TXLNB: variants seen among roughly 807,000 people sequenced by gnomAD.
TXLNB encodes taxilin beta.
Under a neutral mutation model 57.4 loss-of-function variants are expected in TXLNB, and 37 were observed. The observed-to-expected ratio is 0.64, with a 90% CI of 0.50 to 0.85. The LOEUF is 0.85. TXLNB is among the 40% of genes least tolerant of loss of function. The probability of loss-of-function intolerance (pLI) is 0.00; values close to 1 mark genes in which losing one functional copy is unlikely to be tolerated. For synonymous variants in TXLNB, 302 were observed against 309.6 expected (o/e 0.98, Z 0.26); for missense variants, 848 against 825.6 (o/e 1.03, Z -0.33).
the TXLNB span, among the ~76,000 whole-genome samples, chr6:139,205,219 C>G: frequency 6.6e-6 from 1 of 152,220 alleles, no homozygotes. Flanking sequence ...TGGCAGCCCT[C>G]TGGGTTCAAG....
At chr6:139,293,513 A>G (rs933087205), upstream of TXLNB, among the ~76,000 whole-genome samples, 5 of 151,644 alleles carry the variant, frequency 3.3e-5, no homozygotes, top group African/African-American at 9.7e-5. Context: ...AACAGATTAT[A>G]CTCTAGAGCC....
chr6:139,309,943 T>C, the TXLNB span, among the ~76,000 whole-genome samples: 1 of 152,160 alleles, frequency 6.6e-6, no homozygotes. Context: ...AGAATGAAAT[T>C]GGACTCTTGT....
the TXLNB span, among the ~76,000 whole-genome samples, chr6:139,217,831 T>G: frequency 7.6e-6 from 1 of 131,534 alleles, no homozygotes; most frequent in Non-Finnish European, 1.5e-5. Context: ...ATGATGCCAC[T>G]GCACTCCAGC....
chr6:139,168,503 C>T, the TXLNB span, among the ~76,000 whole-genome samples: 1 of 150,668 alleles, frequency 6.6e-6, no homozygotes, highest in Non-Finnish European at 1.5e-5. Context: ...GACATTTCCA[C>T]ATACCTGTCA....
intron 4 of TXLNB, among the ~76,000 whole-genome samples, chr6:139,264,583 G>A (rs1776567273): frequency 6.6e-6 from 1 of 151,980 alleles, no homozygotes; most frequent in African/African-American, 2.4e-5. Context: ...GTTTTGAGAT[G>A]AAGTCTCACT....
At chr6:139,179,183 T>G in the TXLNB span, 1 of 152,248 alleles carries the variant, frequency 6.6e-6, no homozygotes, top group Non-Finnish European at 1.5e-5. Context: ...CCTTATTGAT[T>G]CTCTCCTGTA....
At chr6:139,170,216 G>A in the TXLNB span, 1 of 152,130 alleles carries the variant, frequency 6.6e-6, no homozygotes, top group African/African-American at 2.4e-5. Context: ...GAATAGTAGT[G>A]TTCTTTTTCT....
Position 139,262,698 on chromosome 6 carries a change from T to C in TXLNB, c.763A>G (p.Thr255Ala). The change falls in exon 5 of 10, where the codon ACG becomes GCG. Residue 255 changes from threonine to alanine, a missense_variant. Physicochemically the swap from Thr to Ala is moderately conservative, Grantham distance 58 (BLOSUM62 0). Transcript: ENST00000358430. ...EITSHFQSTL[T>A]DIQGQIEQQS... is the part of the protein sequence containing the mutation. ...TGCTCGATCTGGCCCTGGATGTCCG[T>C]GAGGGTACTCTGGAAATGGCTTGTG... 1 of 1,614,196 alleles carries C rather than the reference T, an allele frequency of 6.2e-7. No individual in the cohort carries two copies.
rs764030764 is a variant in TXLNB at position 139,288,697 on chromosome 6, T to A, written c.203A>T (p.Asn68Ile). Reference sequence around the variant, plus strand: ...TGTGCTGGCAGCAGACCCATAAGTGTTAATGATGTCTTCCAGCTGTCGATT... The same window carrying A: ...TGTGCTGGCAGCAGACCCATAAGTGATAATGATGTCTTCCAGCTGTCGATT... ...ELNRQLEDII[N>I]TYGSAASTAG... Residue 68 changes from asparagine to isoleucine, a missense_variant, in exon 2 of 10, where the codon AAC (asparagine) becomes ATC (isoleucine). Transcript: ENST00000358430. 2.5e-5 allele frequency: 40 copies of A among 1,614,042 alleles called. No homozygotes were observed. In the South Asian group the frequency reaches 4.3e-4, roughly 17 times the overall value.
chr6:139,216,138 G>T, the TXLNB span, among the ~76,000 whole-genome samples: 1 of 152,030 alleles, frequency 6.6e-6, no homozygotes, highest in Non-Finnish European at 1.5e-5. Flanking sequence ...ATACCCAAAG[G>T]ATTATAAATC....
upstream of TXLNB, among the ~76,000 whole-genome samples, chr6:139,293,807 C>G (rs987599861): frequency 2.6e-5 from 4 of 151,924 alleles, no homozygotes; most frequent in African/African-American, 9.7e-5. Flanking sequence ...AAGCTGTTCA[C>G]TATATTATTT....
chr6:139,296,210 C>A (rs1009359084), upstream of TXLNB, among the ~76,000 whole-genome samples: 1 of 152,142 alleles, frequency 6.6e-6, no homozygotes, highest in African/African-American at 2.4e-5. Context: ...CCTCTAGTGG[C>A]TTCCTGAGAA....
At chr6:139,215,127 C>G in the TXLNB span, among the ~76,000 whole-genome samples, 1 of 150,370 alleles carries the variant, frequency 6.7e-6, no homozygotes. Flanking sequence ...GAAAAAACTA[C>G]TTTAAAGTTC....
chr6:139,180,192 T>A, the TXLNB span: 1 of 152,224 alleles, frequency 6.6e-6, no homozygotes, highest in Non-Finnish European at 1.5e-5. Context: ...AAGTTCATTT[T>A]CTGAGTAAAA....
At chr6:139,229,871 C>T in the TXLNB span, among the ~76,000 whole-genome samples, 1 of 152,160 alleles carries the variant, frequency 6.6e-6, no homozygotes, top group Non-Finnish European at 1.5e-5. Context: ...AATGCACCTC[C>T]CACCCCATCT....
the TXLNB span, chr6:139,170,503 A>T: frequency 6.6e-6 from 1 of 152,214 alleles, no homozygotes; most frequent in African/African-American, 2.4e-5. Context: ...CAAAAGGTGG[A>T]CTGGATCTTG....
chr6:139,294,462 C>A (rs1156802352), upstream of TXLNB, among the ~76,000 whole-genome samples: 1 of 152,064 alleles, frequency 6.6e-6, no homozygotes, highest in Non-Finnish European at 1.5e-5. Flanking sequence ...AAATCATAAA[C>A]CCCCAGGTGA....
chr6:139,255,001 T>C (rs962477309), intron 7 of TXLNB, among the ~76,000 whole-genome samples: 6 of 152,110 alleles, frequency 3.9e-5, no homozygotes, highest in African/African-American at 1.4e-4. Context: ...ATATATTTTT[T>C]AATAGAGACG....
chr6:139,303,156 A>G, the TXLNB span, among the ~76,000 whole-genome samples: 5 of 152,192 alleles, frequency 3.3e-5, no homozygotes, highest in Non-Finnish European at 5.9e-5. Flanking sequence ...GTTTTTGATA[A>G]GTGATAATTA....
Sources: allele counts gnomAD v4.1 joint callset (sites outside exome capture counted in the v4.1 genomes callset), GRCh38; gene constraint gnomAD v4.1.1; transcripts MANE v1.5; gene names NCBI Gene and HGNC (gene_info 2026-07-23, HGNC 2026-07-21).